FBXO24: variants seen among roughly 807,000 people sequenced by gnomAD.
FBXO24 encodes F-box protein 24, also known as F-box only protein 24.
FBXO24 carries 30 observed loss-of-function variants against 63.5 expected under a neutral mutation model. The ratio of observed to expected loss-of-function variants is 0.47; its 90% confidence interval spans 0.35 to 0.64. FBXO24 has a LOEUF of 0.64. FBXO24 is among the 30% of genes least tolerant of loss of function. The pLI, the probability that FBXO24 is intolerant of heterozygous loss-of-function variation, is 0.00. For synonymous variants in FBXO24, 300 were observed against 305.0 expected, an observed-to-expected ratio of 0.98 and a Z score of 0.17; for missense variants, 624 against 763.4, an observed-to-expected ratio of 0.82 and a Z score of 2.15.
intron 1 of FBXO24, 158 bp downstream of exon 1, chr7:100,586,822 A>C: frequency 1.6e-6 from 1 of 617,662 alleles, no homozygotes. Flanking sequence ...GCTTGAGGCC[A>C]GTGCACTGGC....
intron 4 of FBXO24, 107 bp downstream of exon 4, chr7:100,592,009 C>A: frequency 8.8e-7 from 1 of 1,138,534 alleles, no homozygotes; most frequent in Non-Finnish European, 1.3e-6. Context: ...ACCTGTAATC[C>A]TAGCACTTTG....
rs1222437352 is a variant in FBXO24 at position 100,600,213 on chromosome 7, G to A, written c.1377+12G>A. On this transcript the variant is annotated intron_variant, in intron 9 of 9. Coordinates refer to ENST00000241071, the MANE Select transcript of FBXO24 (RefSeq NM_033506.3). The surrounding 1 kb of genome is among the most constrained non-coding windows in gnomAD (Gnocchi z 6.3). ...AGCTCCAAGTCAAGGTCAGAGCGGG[G>A]TCAGGAGAGTGGGCACCCAGGGAGG... 1 of 1,522,124 alleles carries A rather than the reference G, an allele frequency of 6.6e-7. No individual in the cohort carries two copies. The highest frequency in any genetic ancestry group is 8.8e-7 in the Non-Finnish European group (1 of 1,130,532). The allele number at this position is 1,522,124 out of a possible 1,614,324, so 94.3% of individuals were successfully genotyped here. A position where few individuals can be genotyped will look rare whatever the true frequency, so the allele number is the denominator to read the frequency against.
In FBXO24 at chr7:100,593,069, A is replaced by T. The variant is rs190729301; in HGVS notation, c.793+52A>T. 1,057 of 1,508,860 alleles carry T rather than the reference A, an allele frequency of 7.0e-4. 9 individuals are homozygous for T. The Admixed American group carries it at 0.011, about 16-fold the overall frequency. 93.5% of individuals were successfully genotyped at this position (1,508,860 alleles called of 1,614,324 possible). A position where few individuals can be genotyped will look rare whatever the true frequency, so the allele number is the denominator to read the frequency against. On this transcript the variant is annotated intron_variant, in intron 5 of 9. Transcript: ENST00000241071. Reference sequence around the variant, plus strand: ...AAACTGTTTCCTGCAGATTCCTCAGACCCTGCTGCAGAGGAGGGGGAGGGA... The same window carrying T: ...AAACTGTTTCCTGCAGATTCCTCAGTCCCTGCTGCAGAGGAGGGGGAGGGA...
chr7:100,595,024 G>T, intron 6 of FBXO24, 78 bp from the exon 7 acceptor site: 1 of 1,582,496 alleles, frequency 6.3e-7, no homozygotes, highest in Non-Finnish European at 8.6e-7. Flanking sequence ...GGATCTTGTA[G>T]CTTTCATCCC....
chr7:100,589,778 G>A (rs1801911023), intron 1 of FBXO24, 199 bp from the exon 2 acceptor site: 3 of 1,534,014 alleles, frequency 2.0e-6, no homozygotes, highest in Non-Finnish European at 2.6e-6. Context: ...TGTGTGGACG[G>A]GAGGAGGGGC....
intron 5 of FBXO24, among the ~76,000 whole-genome samples, chr7:100,593,907 T>C (rs1802162138): frequency 6.6e-6 from 1 of 151,492 alleles, no homozygotes; most frequent in Admixed American, 6.6e-5. Flanking sequence ...CTCAACCACA[T>C]CCCCAGGCCT....
chr7:100,592,894 G>T lies in FBXO24; in HGVS notation c.670G>T (p.Val224Phe). ...CACCAGCAGCCGGGCCTGTGACTGT[G>T]TTGAGGTCTATCTGCAGTCTAGTGG... ...GTTSSRACDC[V>F]EVYLQSSGQR... The change falls in exon 5 of 10, where the codon GTT becomes TTT. Residue 224 changes from valine (V) to phenylalanine (F), a missense_variant. By Grantham distance (50) the Val-to-Phe change is conservative. Coordinates refer to ENST00000241071, the MANE Select transcript of FBXO24 (RefSeq NM_033506.3). 2 of 1,614,220 alleles carry T rather than the reference G, an allele frequency of 1.2e-6. No individual in the cohort carries two copies. Among genetic ancestry groups the T allele is most frequent in the Non-Finnish European group, 1.7e-6 (2 of 1,180,046 alleles).
chr7:100,590,478 G>T (rs1801963292), intron 3 of FBXO24, 121 bp downstream of exon 3: 2 of 995,510 alleles, frequency 2.0e-6, no homozygotes, highest in South Asian at 3.5e-5. Flanking sequence ...CCTTTCTCCG[G>T]AAGAAACGGG....
Position 100,590,298 on chromosome 7 carries a change from C to A in FBXO24, c.263C>A (p.Pro88Gln). The change falls in exon 3 of 10, where the codon CCG (proline) becomes CAG (glutamine). Residue 88 changes from proline (P) to glutamine (Q), a missense_variant. This residue lies in a region of FBXO24 where 391 missense variants were observed against 469.1 expected (regional missense o/e 0.83). Transcript: ENST00000241071. Reference sequence around the variant, plus strand: ...AGACGCATCTGTCGCAGACTCAGTCCGCGCCTCCAAGATCAGGGTTCTGGA... The same window carrying A: ...AGACGCATCTGTCGCAGACTCAGTCAGCGCCTCCAAGATCAGGGTTCTGGA... The part of the protein sequence containing the change: ...VWRRICRRLS[P>Q]RLQDQGSGVR... The A allele has an allele frequency of 6.2e-7, 1 of 1,614,150 alleles. No homozygotes were observed. Among genetic ancestry groups the A allele is most frequent in the South Asian group, 1.1e-5 (1 of 91,084 alleles).
At chr7:100,593,045 A>G (rs1802109792) in intron 5 of FBXO24, 28 bp downstream of exon 5, 23 of 1,597,478 alleles carry the variant, frequency 1.4e-5, no homozygotes, top group East Asian at 2.2e-5. Flanking sequence ...GGCTTTTGCA[A>G]ACTGTTTCCT....
At chr7:100,589,020 G>T (rs189099961) in intron 1 of FBXO24, among the ~76,000 whole-genome samples, 1 of 150,274 alleles carries the variant, frequency 6.7e-6, no homozygotes, top group Non-Finnish European at 1.5e-5. Flanking sequence ...TTTAATAGAC[G>T]CAGGGTCTAT....
intron 5 of FBXO24, 103 bp downstream of exon 5, chr7:100,593,120 C>A: frequency 1.2e-6 from 1 of 816,622 alleles, no homozygotes. Flanking sequence ...GTTCCATATG[C>A]CACCTTATCC....
Position 100,601,049 on chromosome 7 carries a change from C to A in FBXO24, c.*150C>A. 1 of 1,176,736 alleles carries A rather than the reference C, an allele frequency of 8.5e-7. No individual in the cohort carries two copies. The highest frequency in any genetic ancestry group is 1.2e-6 in the Non-Finnish European group (1 of 861,860). The allele number at this position is 1,176,736 out of a possible 1,614,324, so 72.9% of individuals were successfully genotyped here. ...GGGTAAGAATGTTCAGGGGGCTGCCCAGGAGGGGCCCCCAACCTGACTATC... is the reference window on the plus strand; with the variant it reads ...GGGTAAGAATGTTCAGGGGGCTGCCAAGGAGGGGCCCCCAACCTGACTATC... On this transcript the variant is annotated 3_prime_UTR_variant, in exon 10 of 10. Transcript: ENST00000241071.
At chr7:100,586,772 G>C (rs769582845) in intron 1 of FBXO24, 108 bp downstream of exon 1, 22 of 1,257,536 alleles carry the variant, frequency 1.7e-5, no homozygotes, top group Non-Finnish European at 2.2e-5. Context: ...CGTGTTAGGG[G>C]GCTAGCCGGC....
At chr7:100,591,491 C>T (rs936262353) in intron 3 of FBXO24, among the ~76,000 whole-genome samples, 176 bp from the exon 4 acceptor site, 3 of 152,108 alleles carry the variant, frequency 2.0e-5, no homozygotes, top group East Asian at 1.9e-4. Context: ...GTTCACATGT[C>T]GAGTATAATC....
rs771917412 is a variant in FBXO24 at position 100,591,710 on chromosome 7, A to G, written c.366A>G (p.Arg122=). Residue 122 remains arginine, a synonymous_variant, in exon 4 of 10, where the codon CGA becomes CGG. Coordinates refer to ENST00000241071, the MANE Select transcript of FBXO24 (RefSeq NM_033506.3). ...TCCAGGCATTTGGAGGCCGCCGCCG[A>G]TGTCTCAGCAAGAGCGTGGCCCCCT... ...LYFQAFGGRR[R]CLSKSVAPLL... 1 of 1,614,178 alleles carries G rather than the reference A, an allele frequency of 6.2e-7. No homozygotes were observed. The highest frequency in any genetic ancestry group is 8.5e-7 in the Non-Finnish European group (1 of 1,180,044).
At chr7:100,590,438 C>A in intron 3 of FBXO24, 81 bp downstream of exon 3, 2 of 1,414,446 alleles carry the variant, frequency 1.4e-6, no homozygotes, top group East Asian at 2.3e-5. Context: ...CCCTGATGAC[C>A]CCCACACTCC....
At chr7:100,597,881 T>G (rs539889301) in intron 8 of FBXO24, among the ~76,000 whole-genome samples, 27 of 142,812 alleles carry the variant, frequency 1.9e-4, no homozygotes, top group African/African-American at 5.7e-4. Flanking sequence ...TTTTGTTTTT[T>G]TTGTTTTTTT....
intron 8 of FBXO24, among the ~76,000 whole-genome samples, chr7:100,597,890 T>G (rs996676375): frequency 1.6e-3 from 235 of 143,428 alleles, no homozygotes; most frequent in African/African-American, 5.4e-3. Context: ...TTTTGTTTTT[T>G]TTGTTTTTTT....
Sources: allele counts gnomAD v4.1 joint callset (sites outside exome capture counted in the v4.1 genomes callset), GRCh38; gene constraint gnomAD v4.1.1; regional missense constraint gnomAD v4.1.1; non-coding constraint Gnocchi (gnomAD v3.1); transcripts MANE v1.5; gene names NCBI Gene and HGNC (gene_info 2026-07-23, HGNC 2026-07-21).